TCF7L1: variants seen among roughly 807,000 people sequenced by gnomAD.
The protein encoded by TCF7L1 is transcription factor 7-like 1.
A neutral mutation model predicts 63.7 loss-of-function variants in TCF7L1; 18 were observed. The ratio of observed to expected loss-of-function variants is 0.28; its 90% CI spans 0.20 to 0.42. TCF7L1 has a LOEUF of 0.42. Ranked by LOEUF, TCF7L1 falls within the 10% of genes least tolerant of loss-of-function variation. TCF7L1 has a pLI of 1.00. For synonymous variants in TCF7L1, 355 were observed against 340.9 expected, an observed-to-expected ratio of 1.04 and a Z score of -0.46; for missense variants, 654 against 779.3, an observed-to-expected ratio of 0.84 and a Z score of 1.91.
chr2:85,234,382 C>A (rs1243687757), intron 3 of TCF7L1, among the ~76,000 whole-genome samples: 2 of 152,094 alleles, frequency 1.3e-5, no homozygotes, highest in African/African-American at 4.8e-5. Flanking sequence ...GGTCCACCCA[C>A]CTCGGCCTCC....
chr2:85,144,863 C>T (rs1156689984), intron 3 of TCF7L1, among the ~76,000 whole-genome samples: 2 of 151,664 alleles, frequency 1.3e-5, no homozygotes, highest in Non-Finnish European at 2.9e-5. Flanking sequence ...GCGGGAGGAT[C>T]ACTTGAGGTC....
chr2:85,269,307 C>G (rs1446252011), intron 3 of TCF7L1, among the ~76,000 whole-genome samples: 1 of 152,146 alleles, frequency 6.6e-6, no homozygotes, highest in Non-Finnish European at 1.5e-5. Flanking sequence ...AATTGATTCA[C>G]TTTTTTCCAC....
chr2:85,281,020 CTTTTTT>C (rs56111730), intron 3 of TCF7L1, among the ~76,000 whole-genome samples: 6 of 105,614 alleles, frequency 5.7e-5, no homozygotes, highest in Non-Finnish European at 5.7e-5. Context: ...CCATTAGCTC[CTTTTTT>C]TTTTTTTTTT....
chr2:85,265,298 A>G (rs1205623310), intron 3 of TCF7L1, among the ~76,000 whole-genome samples: 18 of 152,056 alleles, frequency 1.2e-4, no homozygotes, highest in Admixed American at 1.2e-3. Context: ...AGCTTAAAAA[A>G]AAAAAAAGTA....
chr2:85,290,032 C>T (rs1681668701), intron 4 of TCF7L1, among the ~76,000 whole-genome samples: 1 of 148,872 alleles, frequency 6.7e-6, no homozygotes, highest in South Asian at 2.1e-4. Flanking sequence ...GGCTGGAGTG[C>T]AGTGGTGCGA....
In TCF7L1 at chr2:85,251,788, C is replaced by T. The variant is rs141327024; in HGVS notation, c.442-31707C>T. Among the ~76,000 whole-genome samples the T allele has an allele frequency of 1.1e-3, 174 of 152,264 alleles. 4 individuals carry two copies. In the East Asian group the frequency reaches 0.029, roughly 25 times the overall value. On this transcript the variant is annotated intron_variant, in intron 3 of 11. Transcript: ENST00000282111. Reference sequence around the variant, plus strand: ...ATTCCGATTGCAATTCAGAGACACTCTAGGCTAGGTGCAGTGGCTCACGCC... The same window carrying T: ...ATTCCGATTGCAATTCAGAGACACTTTAGGCTAGGTGCAGTGGCTCACGCC...
chr2:85,174,524 T>C (rs1678631558), intron 3 of TCF7L1, among the ~76,000 whole-genome samples: 4 of 152,124 alleles, frequency 2.6e-5, no homozygotes, highest in African/African-American at 9.7e-5. Flanking sequence ...TCAGCAATGG[T>C]ACATGCATCT....
intron 3 of TCF7L1, among the ~76,000 whole-genome samples, chr2:85,237,801 A>G (rs1300203719): frequency 6.6e-6 from 1 of 151,492 alleles, no homozygotes; most frequent in Non-Finnish European, 1.5e-5. Flanking sequence ...GGGGCTGCCA[A>G]ATCAGGCAGG....
chr2:85,303,935 T>A lies in TCF7L1; in HGVS notation c.699T>A (p.Tyr233Ter). The A allele has an allele frequency of 6.2e-7, 1 of 1,613,664 alleles. No homozygotes were observed. Among genetic ancestry groups the A allele is most frequent in the Non-Finnish European group, 8.5e-7 (1 of 1,179,810 alleles). The change falls in exon 6 of 12, where the codon TAT (tyrosine) becomes TAA (stop). Residue 233 changes from tyrosine to a stop codon, truncating the protein, a stop_gained. Coordinates refer to ENST00000282111, the MANE Select transcript of TCF7L1 (RefSeq NM_031283.3). LOFTEE classifies it high-confidence loss of function. ...CTCACCCATCCGAGCTGTCACCGTA[T>A]TACCCACTCTCTCCCGGAGCTGTCG... ...RPPHPSELSP[Y>*]YPLSPGAVGQ...
At chr2:85,243,650 C>T (rs1680391848) in intron 3 of TCF7L1, among the ~76,000 whole-genome samples, 1 of 152,154 alleles carries the variant, frequency 6.6e-6, no homozygotes, top group African/African-American at 2.4e-5. Context: ...GGAGAGAGAG[C>T]TTCCTGGCCA....
At chr2:85,155,333 C>CCAG (rs983260924) in intron 3 of TCF7L1, among the ~76,000 whole-genome samples, 10 of 152,180 alleles carry the variant, frequency 6.6e-5, no homozygotes, top group African/African-American at 2.4e-4. Context: ...GCCACCCCAG[C>CCAG]CAGCAGCAGC....
intron 3 of TCF7L1, among the ~76,000 whole-genome samples, chr2:85,206,073 G>A (rs986251616): frequency 4.6e-5 from 7 of 152,236 alleles, no homozygotes; most frequent in Non-Finnish European, 1.0e-4. Context: ...GTACCTGTTA[G>A]CTGGGGCTAT....
chr2:85,166,425 T>C (rs1678419553), intron 3 of TCF7L1, among the ~76,000 whole-genome samples: 1 of 151,780 alleles, frequency 6.6e-6, no homozygotes, highest in African/African-American at 2.4e-5. Flanking sequence ...TCCTCAGGGG[T>C]TCAGAGAAGA....
intron 3 of TCF7L1, among the ~76,000 whole-genome samples, chr2:85,216,334 A>G (rs963318655): frequency 6.6e-6 from 1 of 152,082 alleles, no homozygotes; most frequent in African/African-American, 2.4e-5. Context: ...CTGAGAAGGT[A>G]TGTGACTGTG....
intron 3 of TCF7L1, among the ~76,000 whole-genome samples, chr2:85,163,792 C>G (rs972421902): frequency 1.4e-4 from 22 of 152,114 alleles, no homozygotes; most frequent in Admixed American, 1.3e-3. Flanking sequence ...TGCCTTCTCC[C>G]TGTGTATTCA....
chr2:85,240,776 C>CAA (rs397974438), intron 3 of TCF7L1, among the ~76,000 whole-genome samples: 6,775 of 95,680 alleles, frequency 0.071, 650 homozygotes, highest in African/African-American at 0.22. Context: ...ACTCTTGCCT[C>CAA]AAAAAAAAAA....
chr2:85,278,509 G>A (rs1284654664), intron 3 of TCF7L1, among the ~76,000 whole-genome samples: 2 of 152,178 alleles, frequency 1.3e-5, no homozygotes, highest in Non-Finnish European at 2.9e-5. Flanking sequence ...ATGCCTTCAT[G>A]TAAGAAAATC....
At chr2:85,195,414 C>T (rs1679131906) in intron 3 of TCF7L1, among the ~76,000 whole-genome samples, 1 of 152,238 alleles carries the variant, frequency 6.6e-6, no homozygotes, top group African/African-American at 2.4e-5. Flanking sequence ...TGTGCCACTG[C>T]ACTTCATGCT....
intron 3 of TCF7L1, among the ~76,000 whole-genome samples, chr2:85,196,051 A>G (rs925229451): frequency 3.3e-5 from 5 of 152,122 alleles, no homozygotes; most frequent in African/African-American, 1.2e-4. Flanking sequence ...TGCACCCACA[A>G]TAGTCACAAA....
Sources: gnomAD v4.1 joint callset for allele counts (sites outside exome capture counted in the v4.1 genomes callset) on GRCh38, gnomAD v4.1.1 for gene constraint, MANE v1.5 for transcripts, NCBI Gene and HGNC (gene_info 2026-07-23, HGNC 2026-07-21) for gene names.